The following BCORL1 variants were observed in gnomAD, a reference collection of about 807,000 sequenced individuals.
BCORL1 encodes the protein BCL6 corepressor like 1.
In BCORL1, 7 loss-of-function variants were observed where a neutral mutation model predicts 87.6. The ratio of observed to expected loss-of-function variants is 0.08; its 90% confidence interval spans 0.05 to 0.15. The LOEUF (loss-of-function observed/expected upper bound fraction) is 0.15. BCORL1 is among the 10% of genes least tolerant of loss of function. The probability of loss-of-function intolerance (pLI) is 1.00; values close to 1 mark genes in which losing one functional copy is unlikely to be tolerated. For missense variants in BCORL1, 1,215 were observed against 1,499.7 expected (o/e 0.81, Z 3.13); for synonymous variants, 591 against 634.4 (o/e 0.93, Z 1.03).
Position 130,044,058 on chromosome X carries a change from A to C in BCORL1, c.4840+4776A>C, listed in dbSNP as rs1171026220. Among the ~76,000 whole-genome samples, 20 of 105,273 alleles carry C rather than the reference A, an allele frequency of 1.9e-4. 1 individual carries two copies. Among genetic ancestry groups the C allele is most frequent in the African/African-American group, 6.6e-4 (19 of 28,709 alleles). 91.4% of individuals were successfully genotyped at this position (105,273 alleles called of 115,157 possible). ...AGTGCTGGGATTACAGGCGTGAGCC[A>C]CCACGCCTGGACATTTGTTGTATTT... On this transcript the variant is annotated intron_variant, in intron 11 of 13. Coordinates refer to ENST00000540052, the MANE Select transcript of BCORL1 (RefSeq NM_001379451.1).
chrX:129,990,511 A>G (rs769080618), intron 1 of BCORL1, among the ~76,000 whole-genome samples: 180 of 111,812 alleles, frequency 1.6e-3, no homozygotes, highest in Admixed American at 3.8e-3. Flanking sequence ...GATTACAGGC[A>G]TGAGCCACTG....
intron 1 of BCORL1, among the ~76,000 whole-genome samples, chrX:129,992,379 G>C (rs1432070129): frequency 8.9e-6 from 1 of 111,862 alleles, no homozygotes; most frequent in Non-Finnish European, 1.9e-5. Context: ...TTGAGCCCGG[G>C]AGTGCCGCTA....
chrX:130,050,633 T>G, intron 11 of BCORL1, 84 bp from the exon 12 acceptor site: 1 of 816,002 alleles, frequency 1.2e-6, no homozygotes, highest in Admixed American at 2.2e-5. Context: ...TCCCATTCCC[T>G]TAGCCCCGTA....
chrX:129,993,436 A>G (rs192066032), intron 1 of BCORL1, among the ~76,000 whole-genome samples: 1 of 112,812 alleles, frequency 8.9e-6, no homozygotes, highest in East Asian at 2.8e-4. Context: ...CTATAATCTC[A>G]GCACTTTGGG....
At chrX:130,008,394 G>A (rs1928675451) in intron 2 of BCORL1, among the ~76,000 whole-genome samples, 1 of 110,428 alleles carries the variant, frequency 9.1e-6, no homozygotes, top group Non-Finnish European at 1.9e-5. Flanking sequence ...CTCCCGAGTA[G>A]CTGGGATTAC....
intron 11 of BCORL1, among the ~76,000 whole-genome samples, chrX:130,044,681 G>A (rs1216774133): frequency 9.1e-6 from 1 of 110,310 alleles, no homozygotes; most frequent in African/African-American, 3.3e-5. Flanking sequence ...GGCTAATTTT[G>A]TTTTTTCAGT....
At chrX:130,043,782 A>T (rs1479022612) in intron 11 of BCORL1, among the ~76,000 whole-genome samples, 448 of 20,098 alleles carry the variant, frequency 0.022, 44 homozygotes, top group African/African-American at 0.14. Context: ...ATATATATAT[A>T]TATTTTTTTT....
At chrX:130,050,027 G>T (rs1931980024) in intron 11 of BCORL1, among the ~76,000 whole-genome samples, 1 of 111,594 alleles carries the variant, frequency 9.0e-6, no homozygotes, top group African/African-American at 3.3e-5. Flanking sequence ...GTTCCCTCCA[G>T]CCAGCTGTTG....
At chrX:130,038,636 G>T (rs201239269) in intron 10 of BCORL1, among the ~76,000 whole-genome samples, 1 of 111,079 alleles carries the variant, frequency 9.0e-6, no homozygotes, top group African/African-American at 3.3e-5. Flanking sequence ...TGCCCGCCAT[G>T]ACGCCCAGCT....
chrX:130,041,019 A>G (rs189052285), intron 11 of BCORL1, among the ~76,000 whole-genome samples: 60 of 110,430 alleles, frequency 5.4e-4, no homozygotes, highest in African/African-American at 1.7e-3. Context: ...TGCTTCCCCA[A>G]TCCCTTCTCC....
intron 4 of BCORL1, among the ~76,000 whole-genome samples, chrX:130,017,109 G>A (rs921741649): frequency 3.6e-5 from 4 of 111,583 alleles, no homozygotes; most frequent in African/African-American, 1.3e-4. Flanking sequence ...TTGGACCATA[G>A]ACCATTTTGA....
intron 11 of BCORL1, among the ~76,000 whole-genome samples, chrX:130,040,610 A>G (rs1277043162): frequency 8.9e-6 from 1 of 112,199 alleles, no homozygotes; most frequent in Non-Finnish European, 1.9e-5. Flanking sequence ...TGGGTTCCCA[A>G]GCCCCTGTCC....
chrX:130,004,706 G>A (rs1189056910), intron 1 of BCORL1, among the ~76,000 whole-genome samples: 3 of 111,623 alleles, frequency 2.7e-5, no homozygotes, highest in Non-Finnish European at 3.8e-5. Context: ...AAGGACTTAC[G>A]AAAAAAAGCA....
At chrX:129,987,831 C>A (rs990732063) in intron 1 of BCORL1, among the ~76,000 whole-genome samples, 1 of 111,883 alleles carries the variant, frequency 8.9e-6, no homozygotes, top group Admixed American at 9.5e-5. Flanking sequence ...GAGTAGAGAG[C>A]TGTTCTTCAG....
At position 130,039,605 on chromosome X, in the gene BCORL1, G is replaced by A. The variant is rs1047454846; in HGVS notation, c.4840+323G>A. ...GCCCCACTAGTAGACCTAGCTGGGG[G>A]CAGAATGTGTTGACCTGTGCTTTGA... On this transcript the variant is annotated intron_variant, in intron 11 of 13. Coordinates refer to ENST00000540052, the MANE Select transcript of BCORL1 (RefSeq NM_001379451.1). Among the ~76,000 whole-genome samples the A allele has an allele frequency of 1.1e-4, 13 of 113,294 alleles. 3 individuals are homozygous for A. The Admixed American group carries it at 1.2e-3, about 10-fold the overall frequency.
chrX:130,033,357 A>C (rs1305713203), intron 8 of BCORL1, among the ~76,000 whole-genome samples: 1 of 111,731 alleles, frequency 9.0e-6, no homozygotes, highest in Non-Finnish European at 1.9e-5. Context: ...TGCTGGGATT[A>C]TAGGCGTGAG....
In BCORL1 at chrX:130,015,454, C is replaced by T; in HGVS notation, c.2682C>T (p.Ser894=). 2 of 1,212,313 alleles carry T rather than the reference C, an allele frequency of 1.6e-6. No homozygotes were observed. Among genetic ancestry groups the T allele is most frequent in the South Asian group, 3.5e-5 (2 of 57,059 alleles). ...LPEGQPRPGG[S]FVPEQDPVTK... is the part of the protein sequence containing the mutation. Reference sequence around the variant, plus strand: ...AGGGGCAACCACGGCCTGGGGGCTCCTTCGTTCCAGAGCAGGACCCTGTTA... The same window carrying T: ...AGGGGCAACCACGGCCTGGGGGCTCTTTCGTTCCAGAGCAGGACCCTGTTA... The change falls in exon 4 of 14, where the codon TCC becomes TCT. Residue 894 remains serine, a synonymous_variant. Transcript: ENST00000540052.
chrX:130,022,889 C>T lies in BCORL1; in HGVS notation c.3608-8C>T. 1 of 1,207,704 alleles carries T rather than the reference C, an allele frequency of 8.3e-7. No homozygotes were observed. Among genetic ancestry groups the T allele is most frequent in the Non-Finnish European group, 1.1e-6 (1 of 891,711 alleles). Reference sequence around the variant, plus strand: ...TGCCTTCTGTCCCCAAACCACACATCACTCCAGGTTCCTTGGAAAAGAAAG... The same window carrying T: ...TGCCTTCTGTCCCCAAACCACACATTACTCCAGGTTCCTTGGAAAAGAAAG... On this transcript the variant is annotated splice_region_variant and splice_polypyrimidine_tract_variant and intron_variant, in intron 5 of 13. Transcript: ENST00000540052.
chrX:130,043,780 A>ATTT (rs1225149554), intron 11 of BCORL1, among the ~76,000 whole-genome samples: 38 of 21,734 alleles, frequency 1.7e-3, no homozygotes, highest in African/African-American at 0.012. Flanking sequence ...ATATATATAT[A>ATTT]TATATTTTTT....
Sources: gnomAD v4.1 joint callset for allele counts (sites outside exome capture counted in the v4.1 genomes callset) on GRCh38, gnomAD v4.1.1 for gene constraint, MANE v1.5 for transcripts, NCBI Gene and HGNC (gene_info 2026-07-23, HGNC 2026-07-21) for gene names.